Variants in MACROD2 observed in about 807,000 individuals in gnomAD.
MACROD2 encodes ADP-ribose glycohydrolase MACROD2.
Under a neutral mutation model 70.4 loss-of-function variants are expected in MACROD2, and 36 were observed. The ratio of observed to expected loss-of-function variants is 0.51; its 90% CI spans 0.39 to 0.68. The LOEUF (loss-of-function observed/expected upper bound fraction) is 0.68. MACROD2 is among the 30% of genes least tolerant of loss of function. The probability of loss-of-function intolerance (pLI) is 0.00; values close to 1 mark genes in which losing one functional copy is unlikely to be tolerated. For missense variants in MACROD2, 496 were observed against 538.4 expected (o/e 0.92, Z 0.78); for synonymous variants, 172 against 178.8 (o/e 0.96, Z 0.30).
intron 6 of MACROD2, among the ~76,000 whole-genome samples, chr20:15,299,987 A>G (rs1055783937): frequency 6.6e-6 from 1 of 152,216 alleles, no homozygotes; most frequent in Non-Finnish European, 1.5e-5. Flanking sequence ...ATTTGGAGAC[A>G]TCTGTTATGG....
At chr20:14,594,326 T>G (rs1981978741) in intron 4 of MACROD2, among the ~76,000 whole-genome samples, 1 of 152,206 alleles carries the variant, frequency 6.6e-6, no homozygotes, top group Non-Finnish European at 1.5e-5. Flanking sequence ...AAGAAGATAT[T>G]TAGAAATTAC....
intron 8 of MACROD2, among the ~76,000 whole-genome samples, chr20:15,649,619 G>T (rs192434957): frequency 6.6e-6 from 1 of 152,278 alleles, no homozygotes; most frequent in Non-Finnish European, 1.5e-5. Context: ...GAAGTCATTA[G>T]GTTGCTATGT....
intron 4 of MACROD2, among the ~76,000 whole-genome samples, chr20:14,500,657 AT>A (rs760994820): frequency 2.0e-5 from 3 of 152,194 alleles, no homozygotes; most frequent in Admixed American, 6.5e-5. Context: ...TAATTTGTTT[AT>A]TACACTTCTA....
rs182139478 is a variant in MACROD2 at position 14,983,686 on chromosome 20, A to G, written c.419-246254A>G. ...CCACCAACATGGAACTGTAAGTTCA[A>G]TAAACCCCTTTCTTTTGTAAATTGC... is the stretch of plus-strand genomic sequence containing the variant. On this transcript the variant is annotated intron_variant, in intron 5 of 17. Coordinates refer to ENST00000684519, the MANE Select transcript of MACROD2 (RefSeq NM_001351661.2). Among the ~76,000 whole-genome samples, 80 of 152,312 alleles carry G rather than the reference A, an allele frequency of 5.3e-4. 1 individual carries two copies. The highest frequency in any genetic ancestry group is 3.9e-3 in the East Asian group (20 of 5,176).
intron 8 of MACROD2, among the ~76,000 whole-genome samples, chr20:15,834,937 T>C (rs1468748183): frequency 6.6e-6 from 1 of 152,170 alleles, no homozygotes; most frequent in Non-Finnish European, 1.5e-5. Flanking sequence ...GAAGCGATGA[T>C]GTTTCCTTTT....
intron 4 of MACROD2, among the ~76,000 whole-genome samples, chr20:14,595,722 A>C (rs900647387): frequency 6.6e-6 from 1 of 152,190 alleles, no homozygotes; most frequent in African/African-American, 2.4e-5. Context: ...GAAGGTTCTT[A>C]CTACACATTG....
chr20:14,825,868 T>C (rs556095663), intron 5 of MACROD2, among the ~76,000 whole-genome samples: 43 of 152,310 alleles, frequency 2.8e-4, no homozygotes, highest in African/African-American at 1.0e-3. Flanking sequence ...GGTTTTCGAA[T>C]GGGGATGCCT....
intron 4 of MACROD2, among the ~76,000 whole-genome samples, chr20:14,662,777 A>C (rs1192736052): frequency 1.3e-5 from 2 of 152,210 alleles, no homozygotes; most frequent in Non-Finnish European, 2.9e-5. Context: ...AATGAAAACC[A>C]CAATGAGATA....
intron 6 of MACROD2, among the ~76,000 whole-genome samples, chr20:15,298,937 T>C (rs1460382338): frequency 1.3e-5 from 2 of 152,204 alleles, no homozygotes; most frequent in South Asian, 2.1e-4. Context: ...GTCACAAAGC[T>C]ATTAAATGGC....
At chr20:15,750,931 G>C (rs976697823) in intron 8 of MACROD2, among the ~76,000 whole-genome samples, 1 of 148,356 alleles carries the variant, frequency 6.7e-6, no homozygotes, top group Non-Finnish European at 1.5e-5. Flanking sequence ...TTGTTTGTTT[G>C]TTTTTTGTTT....
chr20:14,074,317 C>T (rs74389455), intron 2 of MACROD2, among the ~76,000 whole-genome samples: 4,161 of 152,144 alleles, frequency 0.027, 82 homozygotes, highest in Middle Eastern at 0.058. Flanking sequence ...AGTTAATGGT[C>T]CTGTGATACG....
At chr20:14,143,708 A>G (rs951507057) in intron 3 of MACROD2, among the ~76,000 whole-genome samples, 5 of 152,212 alleles carry the variant, frequency 3.3e-5, no homozygotes, top group African/African-American at 1.2e-4. Context: ...TGGAATGAGC[A>G]TCTTCCATTA....
At chr20:15,456,562 G>C (rs988944290) in intron 7 of MACROD2, among the ~76,000 whole-genome samples, 1 of 58,542 alleles carries the variant, frequency 1.7e-5, no homozygotes, top group East Asian at 2.3e-3. Flanking sequence ...AAGTGCTTCT[G>C]GTGTGAACTG....
intron 2 of MACROD2, among the ~76,000 whole-genome samples, chr20:14,056,675 A>C (rs78219982): frequency 0.091 from 13,869 of 152,000 alleles, 898 homozygotes; most frequent in Non-Finnish European, 0.13. Context: ...GTATAATATA[A>C]TCAGAGAATA....
chr20:15,986,001 A>C (rs1221982807), intron 13 of MACROD2: 1 of 152,162 alleles, frequency 6.6e-6, no homozygotes, highest in Non-Finnish European at 1.5e-5. Flanking sequence ...GGTCAGAGTG[A>C]AACAGAACAG....
At chr20:15,464,452 A>G (rs6110617) in intron 7 of MACROD2, among the ~76,000 whole-genome samples, 16,831 of 152,262 alleles carry the variant, frequency 0.11, 1,005 homozygotes, top group Middle Eastern at 0.13. Context: ...CACTGTTTAT[A>G]GACATGCATT....
intron 3 of MACROD2, among the ~76,000 whole-genome samples, chr20:14,204,278 A>T (rs961614434): frequency 1.3e-5 from 2 of 152,108 alleles, no homozygotes; most frequent in African/African-American, 2.4e-5. Flanking sequence ...AGTATCGGAT[A>T]CTGTGTGGGC....
intron 6 of MACROD2, among the ~76,000 whole-genome samples, chr20:15,330,630 G>T (rs2077981880): frequency 6.6e-6 from 1 of 150,566 alleles, no homozygotes; most frequent in Admixed American, 6.6e-5. Flanking sequence ...ATCACAGCAA[G>T]AAAAAAAAAT....
chr20:14,387,204 A>G (rs994226766), intron 3 of MACROD2, among the ~76,000 whole-genome samples: 29 of 152,172 alleles, frequency 1.9e-4, no homozygotes, highest in African/African-American at 6.5e-4. Context: ...TGAATGTGCC[A>G]TACTTTTCTG....
Sources: allele counts gnomAD v4.1 joint callset (sites outside exome capture counted in the v4.1 genomes callset), GRCh38; gene constraint gnomAD v4.1.1; transcripts MANE v1.5; gene names NCBI Gene and HGNC (gene_info 2026-07-23, HGNC 2026-07-21).